Variants in EPHA6 observed in about 807,000 individuals in gnomAD.
EPHA6 encodes the protein ephrin type-A receptor 6.
Under a neutral mutation model 112.0 loss-of-function variants are expected in EPHA6, and 50 were observed. The ratio of observed to expected loss-of-function variants is 0.45; its 90% CI spans 0.36 to 0.56. EPHA6 has a LOEUF of 0.56. EPHA6 is among the 20% of genes least tolerant of loss of function. The pLI is 0.00. For missense variants in EPHA6, 1,280 were observed against 1,417.4 expected (o/e 0.90, Z 1.56); for synonymous variants, 529 against 490.7 (o/e 1.08, Z -1.03).
chr3:97,047,193 A>T (rs552070447), intron 3 of EPHA6, among the ~76,000 whole-genome samples: 1 of 152,190 alleles, frequency 6.6e-6, no homozygotes, highest in South Asian at 2.1e-4. Flanking sequence ...TTAATAATAA[A>T]TTTCTGTAAG....
At chr3:96,824,397 T>A (rs1422426157) in intron 1 of EPHA6, among the ~76,000 whole-genome samples, 1 of 151,932 alleles carries the variant, frequency 6.6e-6, no homozygotes, top group African/African-American at 2.4e-5. Flanking sequence ...TAGTTATCTT[T>A]GGGTTTTTAA....
chr3:97,061,871 C>A (rs1037200165), intron 3 of EPHA6, among the ~76,000 whole-genome samples: 22 of 152,092 alleles, frequency 1.4e-4, no homozygotes, highest in African/African-American at 5.1e-4. Flanking sequence ...AAAAGGCATA[C>A]TATTTACCTT....
chr3:96,861,403 A>G (rs2035999052), intron 1 of EPHA6, among the ~76,000 whole-genome samples: 1 of 151,970 alleles, frequency 6.6e-6, no homozygotes, highest in Non-Finnish European at 1.5e-5. Context: ...TCTATTTAAG[A>G]TAACAGTGAA....
At chr3:96,880,655 C>A (rs1404349905) in intron 2 of EPHA6, among the ~76,000 whole-genome samples, 1 of 152,076 alleles carries the variant, frequency 6.6e-6, no homozygotes, top group East Asian at 1.9e-4. Flanking sequence ...TATTTCATCA[C>A]CCCATATCCA....
chr3:97,242,497 T>C (rs758789914), intron 4 of EPHA6, among the ~76,000 whole-genome samples: 2 of 151,870 alleles, frequency 1.3e-5, no homozygotes, highest in African/African-American at 4.8e-5. Context: ...ATTTTTGTAA[T>C]TGCAAACATT....
At chr3:97,546,751 G>A (rs953184773) in intron 11 of EPHA6, among the ~76,000 whole-genome samples, 18 of 152,116 alleles carry the variant, frequency 1.2e-4, no homozygotes, top group African/African-American at 4.3e-4. Context: ...TTTCTTGGAA[G>A]CTTTGTTCAT....
At chr3:96,905,513 C>A (rs1363483224) in intron 2 of EPHA6, among the ~76,000 whole-genome samples, 2 of 151,846 alleles carry the variant, frequency 1.3e-5, no homozygotes, top group African/African-American at 4.8e-5. Flanking sequence ...TATGCAAAGA[C>A]AATTGATATG....
intron 14 of EPHA6, among the ~76,000 whole-genome samples, chr3:97,713,130 T>C (rs1420791266): frequency 2.6e-5 from 4 of 151,906 alleles, no homozygotes; most frequent in Non-Finnish European, 4.4e-5. Flanking sequence ...AGGAAGATAA[T>C]GGAAATAGGT....
Position 97,348,683 on chromosome 3 carries a change from T to G in EPHA6, c.1607-56467T>G, listed in dbSNP as rs543151039. ...AGGAAACTGAAAGAGTTAGGTAAAA[T>G]ATTAAATATATTAATATCAGGAAGG... On this transcript the variant is annotated intron_variant, in intron 5 of 17. Coordinates refer to ENST00000389672, the MANE Select transcript of EPHA6 (RefSeq NM_001080448.3). 1.2e-4 allele frequency among the ~76,000 whole-genome samples: 18 copies of G among 152,166 alleles called. No individual in the cohort carries two copies. The South Asian group carries it at 3.7e-3, about 32-fold the overall frequency.
chr3:96,939,686 T>C (rs2107682001), intron 2 of EPHA6, among the ~76,000 whole-genome samples: 1 of 152,320 alleles, frequency 6.6e-6, no homozygotes. Context: ...GTTCTTTTAA[T>C]TGTGATGTTA....
intron 6 of EPHA6, among the ~76,000 whole-genome samples, chr3:97,438,200 T>C (rs1484031512): frequency 6.6e-6 from 1 of 152,194 alleles, no homozygotes; most frequent in Non-Finnish European, 1.5e-5. Flanking sequence ...ATCTCATCTA[T>C]CTACAGGTAG....
rs574197193 is a variant in EPHA6, at chr3:97,542,918, C to T, written c.2386+10375C>T. ...CTTGTGAGAAGTGTCTGTTCATATC[C>T]TTTGCCCACTTTTTGATGGGGTTGT... On this transcript the variant is annotated intron_variant, in intron 11 of 17. Coordinates refer to ENST00000389672, the MANE Select transcript of EPHA6 (RefSeq NM_001080448.3). Among the ~76,000 whole-genome samples the T allele has an allele frequency of 3.3e-3, 495 of 152,246 alleles. 2 individuals carry two copies. Among genetic ancestry groups the T allele is most frequent in the African/African-American group, 0.011 (461 of 41,544 alleles).
At chr3:97,705,403 G>A (rs140558135) in intron 14 of EPHA6, among the ~76,000 whole-genome samples, 56 of 152,152 alleles carry the variant, frequency 3.7e-4, no homozygotes, top group South Asian at 8.3e-4. Context: ...ATTTCATGGC[G>A]CCTCTCACAT....
chr3:97,010,061 A>G (rs1204038126), intron 3 of EPHA6: 1 of 1,294,176 alleles, frequency 7.7e-7, no homozygotes, highest in Admixed American at 2.4e-5. Flanking sequence ...CGAAACAGTA[A>G]CCTTTGAAGA....
intron 12 of EPHA6, among the ~76,000 whole-genome samples, chr3:97,605,565 T>C (rs2093674810): frequency 6.6e-6 from 1 of 151,540 alleles, no homozygotes; most frequent in African/African-American, 2.4e-5. Flanking sequence ...GGTTAGGGTG[T>C]GTGGCTGTTT....
chr3:97,198,448 T>G (rs1382838492), intron 3 of EPHA6, among the ~76,000 whole-genome samples: 1 of 152,128 alleles, frequency 6.6e-6, no homozygotes, highest in African/African-American at 2.4e-5. Flanking sequence ...TTCTGAAGTT[T>G]AGCCCGAGTA....
chr3:97,303,102 A>T (rs989766081), intron 5 of EPHA6, among the ~76,000 whole-genome samples: 5 of 151,974 alleles, frequency 3.3e-5, no homozygotes, highest in Non-Finnish European at 5.9e-5. Flanking sequence ...CTAATTTTAA[A>T]AAGTGTTAGA....
At chr3:96,907,929 T>G (rs2107594113) in intron 2 of EPHA6, among the ~76,000 whole-genome samples, 1 of 152,020 alleles carries the variant, frequency 6.6e-6, no homozygotes, top group Admixed American at 6.6e-5. Flanking sequence ...TTTGAGAAAT[T>G]TATCGTTAGC....
chr3:97,358,827 T>G (rs995898197), intron 5 of EPHA6, among the ~76,000 whole-genome samples: 1 of 152,108 alleles, frequency 6.6e-6, no homozygotes, highest in African/African-American at 2.4e-5. Context: ...TTGTCAGATA[T>G]AGAAATTTTG....
Sources: allele counts gnomAD v4.1 joint callset (sites outside exome capture counted in the v4.1 genomes callset), GRCh38; gene constraint gnomAD v4.1.1; transcripts MANE v1.5; gene names NCBI Gene and HGNC (gene_info 2026-07-23, HGNC 2026-07-21).